Variants in JAZF1 observed in about 807,000 individuals in gnomAD.
JAZF1 encodes the protein juxtaposed with another zinc finger protein 1.
A neutral mutation model predicts 26.4 loss-of-function variants in JAZF1; 8 were observed. That is an observed-to-expected ratio of 0.30 (90% CI 0.18 to 0.55). The LOEUF (loss-of-function observed/expected upper bound fraction) is 0.55, where lower values mean the gene tolerates loss of function less well. Ranked by LOEUF, JAZF1 falls within the 20% of genes least tolerant of loss-of-function variation. The pLI is 0.94. For synonymous variants in JAZF1, 126 were observed against 122.3 expected (o/e 1.03, Z -0.20); for missense variants, 199 against 322.0 (o/e 0.62, Z 2.92).
intron 1 of JAZF1, among the ~76,000 whole-genome samples, chr7:28,063,302 T>C (rs368205463): frequency 1.1e-4 from 17 of 152,322 alleles, no homozygotes; most frequent in African/African-American, 3.6e-4. Flanking sequence ...AAAAAGTGCG[T>C]TTAAAAATAT....
chr7:28,110,359 G>A (rs1166462967), intron 1 of JAZF1, among the ~76,000 whole-genome samples: 1 of 151,398 alleles, frequency 6.6e-6, no homozygotes, highest in Non-Finnish European at 1.5e-5. Flanking sequence ...CTGGGAGGCA[G>A]AGGTTGTAGT....
intron 1 of JAZF1, among the ~76,000 whole-genome samples, chr7:28,033,090 C>G (rs1783220854): frequency 6.6e-6 from 1 of 152,154 alleles, no homozygotes; most frequent in African/African-American, 2.4e-5. Flanking sequence ...GTCTATGTTA[C>G]TTAAGCAAAC....
At chr7:28,154,719 A>G (rs536239242) in intron 1 of JAZF1, among the ~76,000 whole-genome samples, 1 of 152,122 alleles carries the variant, frequency 6.6e-6, no homozygotes, top group African/African-American at 2.4e-5. Flanking sequence ...ATGATTCCCT[A>G]TTCCTACCTT....
At chr7:28,121,675 C>T (rs1782607661) in intron 1 of JAZF1, among the ~76,000 whole-genome samples, 1 of 152,110 alleles carries the variant, frequency 6.6e-6, no homozygotes, top group Non-Finnish European at 1.5e-5. Context: ...ATACACGTGA[C>T]CAATGTAGAT....
intron 1 of JAZF1, among the ~76,000 whole-genome samples, chr7:28,000,173 A>G (rs908809161): frequency 6.6e-5 from 10 of 152,168 alleles, no homozygotes; most frequent in African/African-American, 2.4e-4. Context: ...TTATAGAGAC[A>G]CTTTTTAGAG....
At chr7:28,065,593 C>T (rs1039322611) in intron 1 of JAZF1, among the ~76,000 whole-genome samples, 1 of 152,172 alleles carries the variant, frequency 6.6e-6, no homozygotes, top group East Asian at 1.9e-4. Flanking sequence ...ACAAATTTTG[C>T]AACTATTTCG....
intron 3 of JAZF1, among the ~76,000 whole-genome samples, chr7:27,849,653 A>G (rs1355121271): frequency 2.0e-5 from 3 of 152,068 alleles, no homozygotes; most frequent in East Asian, 1.9e-4. Context: ...TAAAACAAAT[A>G]TATTCCACAG....
chr7:28,126,997 C>G (rs1782706059), intron 1 of JAZF1, among the ~76,000 whole-genome samples: 2 of 152,200 alleles, frequency 1.3e-5, no homozygotes, highest in African/African-American at 4.8e-5. Context: ...GGCCAAAGCC[C>G]CCTGTCTCTC....
chr7:28,117,076 G>T (rs1337362346), intron 1 of JAZF1, among the ~76,000 whole-genome samples: 1 of 152,178 alleles, frequency 6.6e-6, no homozygotes, highest in African/African-American at 2.4e-5. Context: ...CACCCGCCTT[G>T]GCCTTCAATG....
intron 1 of JAZF1, among the ~76,000 whole-genome samples, chr7:28,124,031 C>G (rs1041881493): frequency 6.6e-6 from 1 of 152,144 alleles, no homozygotes; most frequent in Non-Finnish European, 1.5e-5. Context: ...CTGTTTGGGG[C>G]TGACTTGTGT....
chr7:28,022,118 T>C (rs535006613), intron 1 of JAZF1, among the ~76,000 whole-genome samples: 1 of 152,362 alleles, frequency 6.6e-6, no homozygotes, highest in African/African-American at 2.4e-5. Flanking sequence ...GACTGTTTTC[T>C]ATGAAACCCA....
chr7:28,064,200 G>A lies in JAZF1; in HGVS notation c.116-72219C>T, dbSNP rs186640855. ...ACACCCCTCAATGACCGGAACATCTGGCTATATATTTACTTATTTTTGTCT... is the reference window on the plus strand; with the variant it reads ...ACACCCCTCAATGACCGGAACATCTAGCTATATATTTACTTATTTTTGTCT... On this transcript the variant is annotated intron_variant, in intron 1 of 4. Transcript: ENST00000283928. Among the ~76,000 whole-genome samples, 113 of 151,958 alleles carry A rather than the reference G, an allele frequency of 7.4e-4. No individual in the cohort carries two copies. The Middle Eastern group carries it at 0.014, about 18-fold the overall frequency.
chr7:27,912,765 A>C (rs745885720), intron 2 of JAZF1, among the ~76,000 whole-genome samples: 7 of 152,160 alleles, frequency 4.6e-5, no homozygotes, highest in Non-Finnish European at 7.3e-5. Context: ...TGGCCCTACA[A>C]TGCAGAATTT....
chr7:27,892,037 C>G (rs6969949), intron 3 of JAZF1, among the ~76,000 whole-genome samples: 25,610 of 152,042 alleles, frequency 0.17, 3,316 homozygotes, highest in African/African-American at 0.36. Context: ...ATAGAACTTG[C>G]AAGAGTGAAT....
At chr7:28,018,660 C>T (rs568666336) in intron 1 of JAZF1, among the ~76,000 whole-genome samples, 40 of 152,222 alleles carry the variant, frequency 2.6e-4, no homozygotes, top group African/African-American at 8.7e-4. Context: ...TGCTCTGTAC[C>T]AGTCACATCC....
intron 2 of JAZF1, among the ~76,000 whole-genome samples, chr7:27,983,933 A>C (rs1785640967): frequency 1.3e-5 from 2 of 152,236 alleles, no homozygotes; most frequent in South Asian, 4.1e-4. Flanking sequence ...CCTTCCTTAC[A>C]AGAGCTCCTG....
intron 2 of JAZF1, among the ~76,000 whole-genome samples, chr7:27,986,575 G>A (rs1785710435): frequency 6.6e-6 from 1 of 152,102 alleles, no homozygotes; most frequent in Non-Finnish European, 1.5e-5. Context: ...TCCTCATCAA[G>A]CTACCAATGA....
intron 3 of JAZF1, among the ~76,000 whole-genome samples, chr7:27,866,231 T>C (rs1783470339): frequency 6.6e-6 from 1 of 152,218 alleles, no homozygotes; most frequent in African/African-American, 2.4e-5. Flanking sequence ...ACAATTTCTA[T>C]ATGATAAAAT....
intron 3 of JAZF1, among the ~76,000 whole-genome samples, chr7:27,847,390 C>T (rs978709035): frequency 5.3e-5 from 8 of 152,142 alleles, no homozygotes; most frequent in East Asian, 3.9e-4. Flanking sequence ...CTTTCTCCCC[C>T]ACATTCTCCT....
Sources: gnomAD v4.1 joint callset for allele counts (sites outside exome capture counted in the v4.1 genomes callset) on GRCh38, gnomAD v4.1.1 for gene constraint, MANE v1.5 for transcripts, NCBI Gene and HGNC (gene_info 2026-07-23, HGNC 2026-07-21) for gene names.